SCN8A: variants seen among roughly 807,000 people sequenced by gnomAD.
SCN8A encodes the protein sodium voltage-gated channel alpha subunit 8.
SCN8A carries 30 observed loss-of-function variants against 184.1 expected under a neutral mutation model. The ratio of observed to expected loss-of-function variants is 0.16; its 90% CI spans 0.12 to 0.22. The LOEUF is 0.22. Ranked by LOEUF, SCN8A falls within the 10% of genes least tolerant of loss-of-function variation. The probability of loss-of-function intolerance (pLI) is 1.00; values close to 1 mark genes in which losing one functional copy is unlikely to be tolerated. For synonymous variants in SCN8A, 852 were observed against 907.0 expected (o/e 0.94, Z 1.09); for missense variants, 1,057 against 2,498.9 (o/e 0.42, Z 12.30).
rs570123032 is a variant in SCN8A at position 51,774,197 on chromosome 12, G to A, written c.3654G>A (p.Glu1218=). ...ILLSSGALAF[E]DIYIEQRKTI... ...TGCTGCCTCTCTTTTAGGCCTTCGA[G>A]GACATCTACATTGAGCAGAGAAAGA... The change falls in exon 20 of 27, where the codon GAG becomes GAA. Residue 1218 remains glutamate, a synonymous_variant. Coordinates refer to ENST00000627620, the MANE Select transcript of SCN8A (RefSeq NM_001330260.2). 1.1e-5 allele frequency: 17 copies of A among 1,613,234 alleles called. No homozygotes were observed. In the East Asian group the frequency reaches 3.3e-4, roughly 32 times the overall value.
chr12:51,799,975 T>G (rs1938509983), intron 26 of SCN8A, among the ~76,000 whole-genome samples: 1 of 152,236 alleles, frequency 6.6e-6, no homozygotes, highest in Non-Finnish European at 1.5e-5. Flanking sequence ...CCAGTGTGTT[T>G]GCTACTTCTC....
rs905099293 is a variant in SCN8A at position 51,781,147 on chromosome 12, G to A, written c.3942+376G>A. Among the ~76,000 whole-genome samples the A allele has an allele frequency of 3.9e-5, 6 of 152,194 alleles. No individual in the cohort carries two copies. The East Asian group carries it at 7.7e-4, about 20-fold the overall frequency. ...ACCCACTGAAAAGCACAAGCTTCAG[G>A]CAGGGAGAGTGCTGTGTAGGGGCAT... On this transcript the variant is annotated intron_variant, in intron 21 of 26. Transcript: ENST00000627620.
Position 51,755,969 on chromosome 12 carries a change from G to A in SCN8A, c.2370+4376G>A, listed in dbSNP as rs187064103. ...GGTGCCCCCCACCCCTTCAGCACCCGAGCCGTGTCCTCCATGTGGACACCT... is the reference window on the plus strand; with the variant it reads ...GGTGCCCCCCACCCCTTCAGCACCCAAGCCGTGTCCTCCATGTGGACACCT... On this transcript the variant is annotated intron_variant, in intron 14 of 26. Coordinates refer to ENST00000627620, the MANE Select transcript of SCN8A (RefSeq NM_001330260.2). 2.8e-4 allele frequency among the ~76,000 whole-genome samples: 42 copies of A among 151,660 alleles called. No homozygotes were observed. In the East Asian group the frequency reaches 7.2e-3, roughly 26 times the overall value.
At chr12:51,640,478 C>T (rs906429499) in intron 1 of SCN8A, among the ~76,000 whole-genome samples, 5 of 151,112 alleles carry the variant, frequency 3.3e-5, no homozygotes, top group Admixed American at 6.6e-5. Context: ...TTTTTTTGAT[C>T]GGGGGAATAA....
At chr12:51,756,155 C>T (rs1270777367) in intron 14 of SCN8A, among the ~76,000 whole-genome samples, 1 of 152,126 alleles carries the variant, frequency 6.6e-6, no homozygotes, top group African/African-American at 2.4e-5. Context: ...GTTTATCCTG[C>T]ACAGACTCTT....
intron 12 of SCN8A, chr12:51,722,333 G>A (rs1306230913): frequency 4.9e-6 from 1 of 203,834 alleles, no homozygotes; most frequent in Non-Finnish European, 9.9e-6. Flanking sequence ...CTGCCCGGAT[G>A]GAATGAGAAT....
intron 8 of SCN8A, 98 bp from the exon 9 acceptor site, chr12:51,702,675 G>A (rs957500468): frequency 1.1e-6 from 1 of 937,300 alleles, no homozygotes; most frequent in African/African-American, 2.1e-5. Flanking sequence ...TTATCTCCAA[G>A]GTCATGGAGT....
chr12:51,692,702 C>T (rs1348223825), intron 6 of SCN8A, among the ~76,000 whole-genome samples: 2 of 152,188 alleles, frequency 1.3e-5, no homozygotes, highest in East Asian at 1.9e-4. Flanking sequence ...GTCTGAGTCC[C>T]GCATAAAGTG....
chr12:51,625,955 A>G (rs1331526356), intron 1 of SCN8A, among the ~76,000 whole-genome samples: 1 of 152,196 alleles, frequency 6.6e-6, no homozygotes, highest in Non-Finnish European at 1.5e-5. Flanking sequence ...GTGACTACAC[A>G]GAGTGGTCAA....
intron 1 of SCN8A, among the ~76,000 whole-genome samples, chr12:51,658,230 A>G (rs1288412836): frequency 2.6e-5 from 4 of 152,092 alleles, no homozygotes. Flanking sequence ...CACAATATTA[A>G]TTCTTGCAGT....
chr12:51,721,500 C>T, intron 11 of SCN8A, 46 bp from the exon 12 acceptor site: 1 of 1,531,566 alleles, frequency 6.5e-7, no homozygotes, highest in Middle Eastern at 1.8e-4. Context: ...TCCACACTCC[C>T]GTCTCATTTC....
At chr12:51,706,289 A>G (rs1941781661) in intron 10 of SCN8A, 133 bp from the exon 11 acceptor site, 2 of 787,734 alleles carry the variant, frequency 2.5e-6, no homozygotes. Flanking sequence ...AAACCCTCTA[A>G]CAGTCTAGGT....
chr12:51,597,564 G>A (rs1174539324), intron 1 of SCN8A, among the ~76,000 whole-genome samples: 1 of 152,102 alleles, frequency 6.6e-6, no homozygotes, highest in Non-Finnish European at 1.5e-5. Context: ...CTTGGGAAGG[G>A]AGAAAAAGTC....
chr12:51,703,879 T>C (rs1941733431), intron 9 of SCN8A, among the ~76,000 whole-genome samples: 1 of 152,102 alleles, frequency 6.6e-6, no homozygotes, highest in South Asian at 2.1e-4. Context: ...ATGTTTCTCA[T>C]GAAATATTTG....
intron 10 of SCN8A, among the ~76,000 whole-genome samples, chr12:51,705,926 A>C (rs1941775865): frequency 6.6e-6 from 1 of 152,224 alleles, no homozygotes; most frequent in African/African-American, 2.4e-5. Context: ...ACATAAGCAT[A>C]TTCTTTTTCT....
intron 1 of SCN8A, among the ~76,000 whole-genome samples, chr12:51,653,722 A>AT (rs1027572517): frequency 3.6e-4 from 55 of 152,032 alleles, no homozygotes; most frequent in African/African-American, 1.1e-3. Context: ...CCTATGCTTA[A>AT]TTTTTTTGAG....
chr12:51,769,624 C>G (rs974438717), intron 17 of SCN8A, among the ~76,000 whole-genome samples: 1 of 152,178 alleles, frequency 6.6e-6, no homozygotes, highest in Non-Finnish European at 1.5e-5. Flanking sequence ...GCCCTGAAAC[C>G]AACCTATAGC....
At chr12:51,621,974 A>G (rs1191599928) in intron 1 of SCN8A, among the ~76,000 whole-genome samples, 9 of 152,228 alleles carry the variant, frequency 5.9e-5, no homozygotes, top group African/African-American at 2.4e-5. Context: ...AAGTATCATT[A>G]CAGGAGACTC....
intron 12 of SCN8A, 28 bp downstream of exon 12, chr12:51,721,936 GA>G: frequency 6.3e-7 from 1 of 1,599,486 alleles, no homozygotes. Flanking sequence ...AGCTACCGAT[GA>G]CAGTGTAAGG....
Sources: allele counts gnomAD v4.1 joint callset (sites outside exome capture counted in the v4.1 genomes callset), GRCh38; gene constraint gnomAD v4.1.1; transcripts MANE v1.5; gene names NCBI Gene and HGNC (gene_info 2026-07-23, HGNC 2026-07-21).